The following TMEM132D variants were observed in gnomAD, a reference collection of about 807,000 sequenced individuals.
The protein encoded by TMEM132D is transmembrane protein 132D.
Under a neutral mutation model 62.3 loss-of-function variants are expected in TMEM132D, and 21 were observed. The observed-to-expected ratio is 0.34, with a 90% CI of 0.24 to 0.49. The LOEUF (loss-of-function observed/expected upper bound fraction) is 0.49, where lower values mean the gene tolerates loss of function less well. Ranked by LOEUF, TMEM132D falls within the 20% of genes least tolerant of loss-of-function variation. The pLI is 0.99. For missense variants in TMEM132D, 1,346 were observed against 1,402.8 expected, an observed-to-expected ratio of 0.96 and a Z score of 0.65; for synonymous variants, 621 against 575.6, an observed-to-expected ratio of 1.08 and a Z score of -1.13.
chr12:129,825,635 G>T (rs1381754543), intron 1 of TMEM132D, among the ~76,000 whole-genome samples: 1 of 152,112 alleles, frequency 6.6e-6, no homozygotes, highest in African/African-American at 2.4e-5. Flanking sequence ...TGTGCTGCTG[G>T]GTGGGTGGAG....
intron 4 of TMEM132D, among the ~76,000 whole-genome samples, chr12:129,282,063 T>C (rs1881170320): frequency 6.6e-6 from 1 of 151,926 alleles, no homozygotes; most frequent in Non-Finnish European, 1.5e-5. Flanking sequence ...CCTCCATCAA[T>C]CCCTTCCACA....
intron 4 of TMEM132D, among the ~76,000 whole-genome samples, chr12:129,266,369 C>T (rs1427585910): frequency 1.3e-5 from 2 of 150,874 alleles, no homozygotes; most frequent in African/African-American, 4.9e-5. Context: ...TTCCTTTCTC[C>T]TCTTCCCTCC....
intron 4 of TMEM132D, among the ~76,000 whole-genome samples, chr12:129,217,876 C>G (rs748859386): frequency 1.3e-5 from 2 of 152,116 alleles, no homozygotes; most frequent in Non-Finnish European, 2.9e-5. Context: ...CTTTTCCTAC[C>G]TCCTTTTGTA....
chr12:129,579,849 A>G (rs544774117), intron 2 of TMEM132D, among the ~76,000 whole-genome samples: 7 of 152,180 alleles, frequency 4.6e-5, no homozygotes, highest in Non-Finnish European at 7.4e-5. Context: ...TTGACACTCA[A>G]TATTAACCAT....
chr12:129,684,152 G>T (rs980069143), intron 2 of TMEM132D, among the ~76,000 whole-genome samples: 1 of 152,044 alleles, frequency 6.6e-6, no homozygotes, highest in African/African-American at 2.4e-5. Flanking sequence ...AACAAAAAAA[G>T]GCAGATATGG....
intron 3 of TMEM132D, among the ~76,000 whole-genome samples, chr12:129,504,669 C>G (rs1875275026): frequency 6.6e-6 from 1 of 151,992 alleles, no homozygotes; most frequent in Non-Finnish European, 1.5e-5. Flanking sequence ...TTCAAAGAAC[C>G]AGCTTTTTGT....
intron 1 of TMEM132D, among the ~76,000 whole-genome samples, chr12:129,833,345 A>C (rs534687388): frequency 6.6e-6 from 1 of 152,332 alleles, no homozygotes; most frequent in South Asian, 2.1e-4. Flanking sequence ...TCATGCCTGT[A>C]ATCCCAGCAC....
At chr12:129,838,554 T>C (rs978429397) in intron 1 of TMEM132D, among the ~76,000 whole-genome samples, 5 of 152,214 alleles carry the variant, frequency 3.3e-5, no homozygotes, top group African/African-American at 1.2e-4. Flanking sequence ...TTAACACAGA[T>C]GTGGCTCTGT....
At chr12:129,194,463 G>A (rs750887185) in intron 5 of TMEM132D, among the ~76,000 whole-genome samples, 12 of 152,264 alleles carry the variant, frequency 7.9e-5, no homozygotes, top group Non-Finnish European at 1.6e-4. Flanking sequence ...ACGTGAGGGT[G>A]GAGGGTGGGA....
At chr12:129,610,513 A>G (rs961039350) in intron 2 of TMEM132D, among the ~76,000 whole-genome samples, 2 of 152,066 alleles carry the variant, frequency 1.3e-5, no homozygotes, top group African/African-American at 4.8e-5. Flanking sequence ...CATTAAAACA[A>G]CTCAAAATAC....
intron 2 of TMEM132D, among the ~76,000 whole-genome samples, chr12:129,547,213 C>G (rs917894492): frequency 2.6e-4 from 40 of 152,178 alleles, no homozygotes; most frequent in African/African-American, 9.2e-4. Flanking sequence ...TCCCTTCCAG[C>G]ATGTCTGTGT....
At chr12:129,322,049 C>T (rs1380287418) in intron 4 of TMEM132D, among the ~76,000 whole-genome samples, 1 of 151,968 alleles carries the variant, frequency 6.6e-6, no homozygotes, top group African/African-American at 2.4e-5. Flanking sequence ...AGTCATGTGA[C>T]TTCCAGTAAG....
chr12:129,525,226 GTTTT>G lies in TMEM132D; in HGVS notation c.1115+5829_1115+5832del, dbSNP rs765569025. ...GGGTATGAGCCACGGTGCCCAGCCGGTTTTTTTTTTTTTTTTTTTTTTTTTTTTT... is the reference window on the plus strand; with the variant it reads ...GGGTATGAGCCACGGTGCCCAGCCGGTTTTTTTTTTTTTTTTTTTTTTTTT... On this transcript the variant is annotated intron_variant, in intron 3 of 8. Transcript: ENST00000422113. 2.6e-3 allele frequency among the ~76,000 whole-genome samples: 175 copies of G among 67,390 alleles called. 15 individuals carry two copies. Among genetic ancestry groups the G allele is most frequent in the South Asian group, 9.8e-3 (15 of 1,536 alleles). 44.2% of individuals were successfully genotyped at this position (67,390 alleles called of 152,430 possible).
At chr12:129,200,184 C>T (rs1878662375) in intron 5 of TMEM132D, among the ~76,000 whole-genome samples, 2 of 152,076 alleles carry the variant, frequency 1.3e-5, no homozygotes, top group Admixed American at 1.3e-4. Flanking sequence ...GGTGGTCACT[C>T]CCACTCTGTA....
chr12:129,444,135 T>G (rs961100042), intron 3 of TMEM132D, among the ~76,000 whole-genome samples: 1 of 152,004 alleles, frequency 6.6e-6, no homozygotes, highest in Non-Finnish European at 1.5e-5. Flanking sequence ...GACTTAAATG[T>G]AAAACCCACA....
At chr12:129,695,018 A>AAAAT (rs1555225950) in intron 2 of TMEM132D, among the ~76,000 whole-genome samples, 1 of 152,190 alleles carries the variant, frequency 6.6e-6, no homozygotes, top group Non-Finnish European at 1.5e-5. Flanking sequence ...AAAAAAATAA[A>AAAAT]AAATAAATAA....
intron 2 of TMEM132D, among the ~76,000 whole-genome samples, chr12:129,566,309 G>A (rs757497265): frequency 1.6e-4 from 25 of 152,068 alleles, no homozygotes; most frequent in South Asian, 6.2e-4. Context: ...CTGTGATTTC[G>A]AAAGCATCTC....
chr12:129,310,966 A>C (rs956985949), intron 4 of TMEM132D, among the ~76,000 whole-genome samples: 2 of 96,122 alleles, frequency 2.1e-5, no homozygotes, highest in Non-Finnish European at 3.8e-5. Flanking sequence ...GAACAGGCCG[A>C]GGCAGGCGGA....
intron 3 of TMEM132D, among the ~76,000 whole-genome samples, chr12:129,448,447 TC>T (rs1873173297): frequency 6.6e-6 from 1 of 152,124 alleles, no homozygotes; most frequent in South Asian, 2.1e-4. Context: ...ATCATTTAGG[TC>T]CCACTTATAA....
Sources: allele counts gnomAD v4.1 joint callset (sites outside exome capture counted in the v4.1 genomes callset), GRCh38; gene constraint gnomAD v4.1.1; transcripts MANE v1.5; gene names NCBI Gene and HGNC (gene_info 2026-07-23, HGNC 2026-07-21).